NRIP1: variants seen among roughly 807,000 people sequenced by gnomAD.
NRIP1 encodes nuclear receptor-interacting protein 1.
NRIP1 carries 28 observed loss-of-function variants against 75.0 expected under a neutral mutation model. The ratio of observed to expected loss-of-function variants is 0.37; its 90% CI spans 0.28 to 0.51. The LOEUF (loss-of-function observed/expected upper bound fraction) is 0.51, where lower values mean the gene tolerates loss of function less well. Among genes scored for constraint, NRIP1 ranks in the 20% least tolerant of loss-of-function variants. NRIP1 has a pLI of 0.92. For missense variants in NRIP1, 1,435 were observed against 1,343.7 expected (o/e 1.07, Z -1.06); for synonymous variants, 526 against 487.6 (o/e 1.08, Z -1.04).
chr21:15,000,411 T>C (rs2087824670), intron 3 of NRIP1, among the ~76,000 whole-genome samples: 1 of 152,132 alleles, frequency 6.6e-6, no homozygotes, highest in Admixed American at 6.5e-5. Flanking sequence ...GTGGATACTT[T>C]GGTAAACAAA....
intron 3 of NRIP1, among the ~76,000 whole-genome samples, chr21:15,000,247 A>C (rs2087820545): frequency 6.6e-6 from 1 of 152,186 alleles, no homozygotes; most frequent in Non-Finnish European, 1.5e-5. Flanking sequence ...CACTACCATG[A>C]ACACTGCACA....
At chr21:14,981,923 C>T (rs951343931) in intron 3 of NRIP1, among the ~76,000 whole-genome samples, 1 of 150,032 alleles carries the variant, frequency 6.7e-6, no homozygotes, top group Non-Finnish European at 1.5e-5. Flanking sequence ...GCCATCTCAG[C>T]TCAGCACAAC....
chr21:14,979,075 T>A (rs186694457), intron 3 of NRIP1, among the ~76,000 whole-genome samples: 1 of 152,356 alleles, frequency 6.6e-6, no homozygotes, highest in East Asian at 1.9e-4. Context: ...TACCTTCTAC[T>A]GTTATCAAAG....
chr21:15,064,416 G>A (rs1311935274), intron 1 of NRIP1, among the ~76,000 whole-genome samples: 1 of 152,074 alleles, frequency 6.6e-6, no homozygotes, highest in Non-Finnish European at 1.5e-5. Flanking sequence ...CAAGCGAGCG[G>A]GGGCAACCCC....
rs1444840839 is a variant in NRIP1, at chr21:14,963,803, T to C, written c.*913A>G. 1.3e-5 allele frequency: 2 copies of C among 152,148 alleles called. No individual in the cohort carries two copies. Among genetic ancestry groups the C allele is most frequent in the Non-Finnish European group, 2.9e-5 (2 of 68,018 alleles). The allele number at this position is 152,148 out of a possible 1,614,324, so 9.4% of individuals were successfully genotyped here. A position where few individuals can be genotyped will look rare whatever the true frequency, so the allele number is the denominator to read the frequency against. On this transcript the variant is annotated 3_prime_UTR_variant, in exon 4 of 4. Transcript: ENST00000318948. ...GTTCAGGTTTAAGGAATCCTGGTCA[T>C]AACACTCGCAGGTACCACAGGAATG...
At chr21:14,976,219 G>T (rs1013597570) in intron 3 of NRIP1, among the ~76,000 whole-genome samples, 1 of 151,984 alleles carries the variant, frequency 6.6e-6, no homozygotes, top group African/African-American at 2.4e-5. Flanking sequence ...ATAAAGTTAA[G>T]ATTTTACTGA....
chr21:14,983,409 A>G (rs1381462280), intron 3 of NRIP1, among the ~76,000 whole-genome samples: 1 of 152,186 alleles, frequency 6.6e-6, no homozygotes, highest in Non-Finnish European at 1.5e-5. Context: ...AATTCTATGA[A>G]GACTGAGAGA....
intron 2 of NRIP1, among the ~76,000 whole-genome samples, chr21:15,037,283 G>A (rs1220289127): frequency 1.3e-5 from 2 of 152,102 alleles, no homozygotes; most frequent in African/African-American, 2.4e-5. Context: ...TGAAAAAACT[G>A]TTGCACAAAT....
intron 2 of NRIP1, among the ~76,000 whole-genome samples, chr21:15,024,733 G>A (rs751641663): frequency 1.3e-5 from 2 of 152,004 alleles, no homozygotes; most frequent in Non-Finnish European, 2.9e-5. Context: ...GATGTGGTAT[G>A]GGGAATTCGA....
In NRIP1 at chr21:14,965,654, G is replaced by C. The variant is rs1331089234; in HGVS notation, c.2539C>G (p.Leu847Val). The C allele has an allele frequency of 6.2e-7, 1 of 1,613,292 alleles. No homozygotes were observed. The highest frequency in any genetic ancestry group is 8.5e-7 in the Non-Finnish European group (1 of 1,179,910). The change falls in exon 4 of 4, where the codon CTA (leucine) becomes GTA (valine). Residue 847 changes from leucine to valine, a missense_variant. Coordinates refer to ENST00000318948, the MANE Select transcript of NRIP1 (RefSeq NM_003489.4). ...ACCATGCAAAGATTCTTTGATTCTA[G>C]AAGTGCCATTTCATTATTTCTGTGA... Reference protein sequence around the residue: ...RSHRNNEMALLESKNLCMVPK... With the variant: ...RSHRNNEMALVESKNLCMVPK...
At chr21:15,010,969 T>C (rs1220194359) in intron 3 of NRIP1, among the ~76,000 whole-genome samples, 3 of 152,198 alleles carry the variant, frequency 2.0e-5, no homozygotes, top group Non-Finnish European at 2.9e-5. Flanking sequence ...GGCAATTAAT[T>C]CCAACTAGGA....
chr21:15,016,357 G>A (rs2088228172), intron 2 of NRIP1, among the ~76,000 whole-genome samples: 1 of 152,098 alleles, frequency 6.6e-6, no homozygotes, highest in Non-Finnish European at 1.5e-5. Context: ...GTAATTACAT[G>A]AGTACTCCTA....
chr21:15,032,439 T>C (rs1024192555), intron 2 of NRIP1, among the ~76,000 whole-genome samples: 4 of 152,168 alleles, frequency 2.6e-5, no homozygotes, highest in Non-Finnish European at 5.9e-5. Flanking sequence ...AATTGTTTAG[T>C]TATCAGTAGT....
chr21:15,000,068 C>G, intron 3 of NRIP1, among the ~76,000 whole-genome samples: 1 of 152,118 alleles, frequency 6.6e-6, no homozygotes, highest in East Asian at 1.9e-4. Flanking sequence ...AGAATAGAGG[C>G]AATTTGAAGG....
At position 14,964,601 on chromosome 21, in the gene NRIP1, T is replaced by C. The variant is rs1433514062; in HGVS notation, c.*115A>G. The C allele has an allele frequency of 2.3e-6, 2 of 868,338 alleles. No individual in the cohort carries two copies. The highest frequency in any genetic ancestry group is 2.8e-5 in the Admixed American group (1 of 36,168). 53.8% of individuals were successfully genotyped at this position (868,338 alleles called of 1,614,324 possible). On this transcript the variant is annotated 3_prime_UTR_variant, in exon 4 of 4. Coordinates refer to ENST00000318948, the MANE Select transcript of NRIP1 (RefSeq NM_003489.4). ...CACCAGTAACCAATACTTTTCAAAA[T>C]GAAAAAAGTTTCAATTATACCATGC...
chr21:14,997,616 T>C (rs1418449003), intron 3 of NRIP1, among the ~76,000 whole-genome samples: 1 of 151,628 alleles, frequency 6.6e-6, no homozygotes, highest in African/African-American at 2.4e-5. Flanking sequence ...GTAGAAGACA[T>C]GGTAATCTTA....
In NRIP1 at chr21:14,968,395, C is replaced by A. The variant is rs998367717; in HGVS notation, c.-203G>T. Reference sequence around the variant, plus strand: ...GCAGTCTGACCACAGTGCTGATCAACTTCTACGCAAGGAGGAGGAGAAGAA... The same window carrying A: ...GCAGTCTGACCACAGTGCTGATCAAATTCTACGCAAGGAGGAGGAGAAGAA... On this transcript the variant is annotated 5_prime_UTR_variant, in exon 4 of 4. Coordinates refer to ENST00000318948, the MANE Select transcript of NRIP1 (RefSeq NM_003489.4). 1 of 545,394 alleles carries A rather than the reference C, an allele frequency of 1.8e-6. No homozygotes were observed. Among genetic ancestry groups the A allele is most frequent in the African/African-American group, 1.9e-5 (1 of 52,672 alleles). The allele number at this position is 545,394 out of a possible 1,614,324, so 33.8% of individuals were successfully genotyped here.
intron 2 of NRIP1, among the ~76,000 whole-genome samples, chr21:15,041,793 T>C (rs2088961308): frequency 6.6e-6 from 1 of 152,198 alleles, no homozygotes; most frequent in African/African-American, 2.4e-5. Context: ...TTCATTCTCA[T>C]CTTTAATTTG....
At chr21:15,047,306 C>T (rs1352568346) in intron 1 of NRIP1, among the ~76,000 whole-genome samples, 2 of 152,010 alleles carry the variant, frequency 1.3e-5, no homozygotes, top group Non-Finnish European at 2.9e-5. Flanking sequence ...CTTTGGGAGG[C>T]CGAGGCAGGC....
Sources: gnomAD v4.1 joint callset for allele counts (sites outside exome capture counted in the v4.1 genomes callset) on GRCh38, gnomAD v4.1.1 for gene constraint, MANE v1.5 for transcripts, NCBI Gene and HGNC (gene_info 2026-07-23, HGNC 2026-07-21) for gene names.